The following RBFOX1 variants were observed in gnomAD, a reference collection of about 807,000 sequenced individuals.
The protein encoded by RBFOX1 is RNA binding fox-1 homolog 1, also known as RNA binding protein fox-1 homolog 1.
In RBFOX1, 8 loss-of-function variants were observed where a neutral mutation model predicts 57.7. That is an observed-to-expected ratio of 0.14 (90% CI 0.08 to 0.25). The LOEUF (loss-of-function observed/expected upper bound fraction) is 0.25, where lower values mean the gene tolerates loss of function less well. Among genes scored for constraint, RBFOX1 ranks in the 10% least tolerant of loss-of-function variants. The pLI, the probability that RBFOX1 is intolerant of heterozygous loss-of-function variation, is 1.00. For missense variants in RBFOX1, 611 were observed against 548.5 expected, an observed-to-expected ratio of 1.11 and a Z score of -1.14; for synonymous variants, 326 against 222.4, an observed-to-expected ratio of 1.47 and a Z score of -4.15.
chr16:7,419,695 C>T (rs956095243), intron 4 of RBFOX1, among the ~76,000 whole-genome samples: 3 of 152,176 alleles, frequency 2.0e-5, no homozygotes, highest in Non-Finnish European at 4.4e-5. Context: ...CCCGACCCTC[C>T]AGTAGTTCCT....
intron 1 of RBFOX1, among the ~76,000 whole-genome samples, chr16:5,408,138 G>C (rs965034270): frequency 6.6e-6 from 1 of 152,164 alleles, no homozygotes; most frequent in Admixed American, 6.5e-5. Context: ...TGTGGGGCAA[G>C]GTGGTGCATT....
intron 4 of RBFOX1, among the ~76,000 whole-genome samples, chr16:5,999,899 AAAAAAAAAG>A (rs1567239181): frequency 9.8e-5 from 5 of 50,962 alleles, no homozygotes; most frequent in African/African-American, 3.5e-4. Context: ...AAAAAAAAAA[AAAAAAAAAG>A]AGTGAAGAAG....
rs200053144 is a variant in RBFOX1, at chr16:7,579,860, G to A, written c.354G>A (p.Arg118=). Residue 118 remains arginine, a synonymous_variant, in exon 6 of 16, where the codon CGG becomes CGA. Transcript: ENST00000550418. ...CGGAAAACAAGTCTCAGCCCAAGCG[G>A]CTGCATGTCTCCAATATCCCCTTCA... ...ENTENKSQPK[R]LHVSNIPFRF... is the part of the protein sequence containing the mutation. The A allele has an allele frequency of 6.8e-5, 110 of 1,613,950 alleles. No individual in the cohort carries two copies. Among genetic ancestry groups the A allele is most frequent in the Admixed American group, 3.3e-5 (2 of 60,002 alleles).
chr16:7,397,323 C>T (rs1204308565), intron 4 of RBFOX1, among the ~76,000 whole-genome samples: 1 of 152,158 alleles, frequency 6.6e-6, no homozygotes, highest in Non-Finnish European at 1.5e-5. Flanking sequence ...ACATGCTATT[C>T]ACTTTGCAAG....
At chr16:7,310,573 A>T (rs997584803) in intron 4 of RBFOX1, among the ~76,000 whole-genome samples, 1 of 152,174 alleles carries the variant, frequency 6.6e-6, no homozygotes, top group Non-Finnish European at 1.5e-5. Context: ...ATGGTCCAGT[A>T]TTTCTCAAAC....
chr16:5,644,048 T>C (rs2048968637), intron 3 of RBFOX1, among the ~76,000 whole-genome samples: 1 of 152,224 alleles, frequency 6.6e-6, no homozygotes. Flanking sequence ...CACAGAGGAC[T>C]CTTCGAAGCT....
At chr16:7,021,158 T>C (rs960724591) in intron 3 of RBFOX1, among the ~76,000 whole-genome samples, 1 of 152,014 alleles carries the variant, frequency 6.6e-6, no homozygotes. Flanking sequence ...AATAAATGAA[T>C]AAACGAAGCA....
intron 1 of RBFOX1, among the ~76,000 whole-genome samples, chr16:5,279,066 T>C (rs1284195708): frequency 6.6e-6 from 1 of 152,218 alleles, no homozygotes; most frequent in Non-Finnish European, 1.5e-5. Context: ...GCTTTGGCTA[T>C]TTGGGGTGTT....
intron 2 of RBFOX1, among the ~76,000 whole-genome samples, chr16:6,591,282 C>T (rs1261380726): frequency 6.6e-6 from 1 of 152,116 alleles, no homozygotes. Flanking sequence ...ACCACCTCTA[C>T]TAAAAATATA....
chr16:6,987,366 A>G (rs2090514270), intron 3 of RBFOX1, among the ~76,000 whole-genome samples: 1 of 151,732 alleles, frequency 6.6e-6, no homozygotes, highest in Non-Finnish European at 1.5e-5. Flanking sequence ...TTTGCCTAAA[A>G]TCTCATCACT....
intron 4 of RBFOX1, among the ~76,000 whole-genome samples, chr16:7,083,058 G>A (rs1366358480): frequency 6.6e-6 from 1 of 152,092 alleles, no homozygotes; most frequent in African/African-American, 2.4e-5. Flanking sequence ...GGTTTTGGGA[G>A]TGACAATAAA....
chr16:7,217,292 C>CGT (rs2092266724), intron 4 of RBFOX1, among the ~76,000 whole-genome samples: 1 of 104,080 alleles, frequency 9.6e-6, no homozygotes, highest in African/African-American at 3.8e-5. Context: ...TCTTATTCTT[C>CGT]TTTTTTTTTT....
At chr16:7,047,102 C>A (rs976407993) in intron 3 of RBFOX1, among the ~76,000 whole-genome samples, 4 of 148,162 alleles carry the variant, frequency 2.7e-5, no homozygotes, top group African/African-American at 7.5e-5. Context: ...ACTCAAGAGT[C>A]CAGTCACCTA....
chr16:6,657,956 T>C (rs1339196470), intron 3 of RBFOX1, among the ~76,000 whole-genome samples: 1 of 152,230 alleles, frequency 6.6e-6, no homozygotes, highest in African/African-American at 2.4e-5. Flanking sequence ...CCTGGCTTTC[T>C]GTCTACTTCG....
At chr16:7,480,240 G>T (rs537472930) in intron 4 of RBFOX1, among the ~76,000 whole-genome samples, 20 of 152,310 alleles carry the variant, frequency 1.3e-4, no homozygotes, top group African/African-American at 4.8e-4. Flanking sequence ...TGGGCCTCGG[G>T]AAGCAACTTA....
chr16:6,045,950 G>A (rs2095490967), intron 1 of RBFOX1, among the ~76,000 whole-genome samples: 1 of 152,206 alleles, frequency 6.6e-6, no homozygotes, highest in Non-Finnish European at 1.5e-5. Flanking sequence ...GAACAGAGAA[G>A]GGATCAGTGT....
At chr16:7,020,250 G>A (rs2094137965) in intron 3 of RBFOX1, among the ~76,000 whole-genome samples, 1 of 151,598 alleles carries the variant, frequency 6.6e-6, no homozygotes, top group African/African-American at 2.4e-5. Flanking sequence ...TTTTTAGACA[G>A]AATCTTGCCC....
At chr16:7,577,281 G>A (rs2093413582) in intron 5 of RBFOX1, among the ~76,000 whole-genome samples, 1 of 152,238 alleles carries the variant, frequency 6.6e-6, no homozygotes, top group Middle Eastern at 3.4e-3. Context: ...TCAGACTCTT[G>A]CTTTGCACAG....
chr16:6,976,992 C>T (rs2087107323), intron 3 of RBFOX1, among the ~76,000 whole-genome samples: 1 of 141,908 alleles, frequency 7.0e-6, no homozygotes, highest in South Asian at 2.2e-4. Context: ...ATATATATCA[C>T]ATGCCATATA....
Sources: gnomAD v4.1 joint callset for allele counts (sites outside exome capture counted in the v4.1 genomes callset) on GRCh38, gnomAD v4.1.1 for gene constraint, MANE v1.5 for transcripts, NCBI Gene and HGNC (gene_info 2026-07-23, HGNC 2026-07-21) for gene names.